The following PROP1 variants were observed in gnomAD, a reference collection of about 807,000 sequenced individuals.
PROP1 encodes the protein homeobox protein prophet of Pit-1.
PROP1 carries 12 observed loss-of-function variants against 22.3 expected under a neutral mutation model. The observed-to-expected ratio is 0.54, with a 90% CI of 0.34 to 0.87. PROP1 has a LOEUF of 0.87. Ranked by LOEUF, PROP1 falls within the 40% of genes least tolerant of loss-of-function variation. The probability of loss-of-function intolerance (pLI) is 0.01; values close to 1 mark genes in which losing one functional copy is unlikely to be tolerated. For synonymous variants in PROP1, 112 were observed against 116.7 expected, an observed-to-expected ratio of 0.96 and a Z score of 0.26; for missense variants, 278 against 295.1, an observed-to-expected ratio of 0.94 and a Z score of 0.43.
chr5:177,992,682 G>T lies in PROP1; in HGVS notation c.*27C>A, dbSNP rs939587302. ...CTTTTCACGAGGGCCGCAGGCTGGG[G>T]ATCACCTTGGTGGTACTTGTTTGAC... On this transcript the variant is annotated 3_prime_UTR_variant, in exon 3 of 3. Coordinates refer to ENST00000308304, the MANE Select transcript of PROP1 (RefSeq NM_006261.5). The T allele has an allele frequency of 3.4e-6, 5 of 1,485,466 alleles. No homozygotes were observed. Among genetic ancestry groups the T allele is most frequent in the Non-Finnish European group, 4.6e-6 (5 of 1,090,000 alleles). 92.0% of individuals were successfully genotyped at this position (1,485,466 alleles called of 1,614,324 possible). A position where few individuals can be genotyped will look rare whatever the true frequency, so the allele number is the denominator to read the frequency against.
In PROP1 at chr5:177,993,053, A is replaced by T. The variant is rs1354951089; in HGVS notation, c.343-6T>A. On this transcript the variant is annotated splice_polypyrimidine_tract_variant and splice_region_variant and intron_variant, in intron 2 of 2. Coordinates refer to ENST00000308304, the MANE Select transcript of PROP1 (RefSeq NM_006261.5). ...CTGCGGTTCTGGAACCAGACCTGAG[A>T]AGGGGTAGGAACCACATCAGAGCCC... is the stretch of plus-strand genomic sequence containing the variant. 1 of 1,610,836 alleles carries T rather than the reference A, an allele frequency of 6.2e-7. No individual in the cohort carries two copies. Among genetic ancestry groups the T allele is most frequent in the Admixed American group, 1.7e-5 (1 of 59,596 alleles).
At chr5:177,994,388 G>C in intron 1 of PROP1, 50 bp from the exon 2 acceptor site, 1 of 1,475,604 alleles carries the variant, frequency 6.8e-7, no homozygotes, top group South Asian at 1.3e-5. Context: ...ACGCTCCTCG[G>C]TGCTGGACCA....
In PROP1 at chr5:177,992,593, A is replaced by T; in HGVS notation, c.*116T>A. The stretch of plus-strand genomic sequence containing the variant: ...CCCATTTTTAAATTTCTAATCGCTG[A>T]GCTGACCCTCACCATGCATCTGCTT... On this transcript the variant is annotated 3_prime_UTR_variant, in exon 3 of 3. Coordinates refer to ENST00000308304, the MANE Select transcript of PROP1 (RefSeq NM_006261.5). The T allele has an allele frequency of 1.4e-6, 1 of 694,148 alleles. No individual in the cohort carries two copies. Among genetic ancestry groups the T allele is most frequent in the South Asian group, 1.8e-5 (1 of 55,196 alleles). The allele number at this position is 694,148 out of a possible 1,614,324, so 43.0% of individuals were successfully genotyped here. A position where few individuals can be genotyped will look rare whatever the true frequency, so the allele number is the denominator to read the frequency against.
rs1367651545 is a variant in PROP1, at chr5:177,992,947, G to A, written c.443C>T (p.Pro148Leu). Reference sequence around the variant, plus strand: ...AGAATAGGGGCAAGCAGTGGACTCTGGCAAGAAGCTGGAAAAGGCGGCAGG... The same window carrying A: ...AGAATAGGGGCAAGCAGTGGACTCTAGCAAGAAGCTGGAAAAGGCGGCAGG... The part of the protein sequence containing the change: ...LSPAAFSSFL[P>L]ESTACPYSYA... The change falls in exon 3 of 3, where the codon CCA becomes CTA. Residue 148 changes from proline (P) to leucine (L), a missense_variant. Coordinates refer to ENST00000308304, the MANE Select transcript of PROP1 (RefSeq NM_006261.5). 2 of 1,613,860 alleles carry A rather than the reference G, an allele frequency of 1.2e-6. No homozygotes were observed. The highest frequency in any genetic ancestry group is 1.7e-6 in the Non-Finnish European group (2 of 1,179,988).
At position 177,994,334 on chromosome 5, in the gene PROP1, C is replaced by T. The variant is rs373656666; in HGVS notation, c.114G>A (p.Ser38=). ...GGAGCCTTCTGCAGGGTGGAGCACTCGAGTCTGAGAACGGAGAGAAGGGAG... is the reference window on the plus strand; with the variant it reads ...GGAGCCTTCTGCAGGGTGGAGCACTTGAGTCTGAGAACGGAGAGAAGGGAG... The part of the protein sequence containing the change: ...ATGTPTTTVD[S]SAPPCRRLPG... The change falls in exon 2 of 3, where the codon TCG becomes TCA. Residue 38 remains serine (S), a synonymous_variant. Coordinates refer to ENST00000308304, the MANE Select transcript of PROP1 (RefSeq NM_006261.5). The T allele has an allele frequency of 2.3e-5, 36 of 1,593,168 alleles. No individual in the cohort carries two copies. The highest frequency in any genetic ancestry group is 1.7e-4 in the Middle Eastern group (1 of 6,014).
In PROP1 at chr5:177,992,982, G is replaced by A; in HGVS notation, c.408C>T (p.Ala136=). 6.2e-7 allele frequency: 1 copy of A among 1,614,030 alleles called. No individual in the cohort carries two copies. Among genetic ancestry groups the A allele is most frequent in the Non-Finnish European group, 8.5e-7 (1 of 1,179,988 alleles). ...TGGAAAAGGCGGCAGGAGACAGATG[G>A]GCCAGAGGCTGAAGCAGTGAGCGCT... ...KQERSLLQPL[A]HLSPAAFSSF... The change falls in exon 3 of 3, where the codon GCC becomes GCT. Residue 136 remains alanine, a synonymous_variant. Transcript: ENST00000308304.
Position 177,995,991 on chromosome 5 carries a change from G to T in PROP1, c.-58C>A, listed in dbSNP as rs1335549674. Reference sequence around the variant, plus strand: ...TCTGACTTGAGATTTCTCTGCTTCCGCAGCTCCTCTCCACACCTGTTCCCT... The same window carrying T: ...TCTGACTTGAGATTTCTCTGCTTCCTCAGCTCCTCTCCACACCTGTTCCCT... On this transcript the variant is annotated 5_prime_UTR_variant, in exon 1 of 3. Transcript: ENST00000308304. 6 of 1,467,250 alleles carry T rather than the reference G, an allele frequency of 4.1e-6. No homozygotes were observed. The highest frequency in any genetic ancestry group is 3.4e-5 in the Admixed American group (2 of 59,276). 90.9% of individuals were successfully genotyped at this position (1,467,250 alleles called of 1,614,324 possible).
In PROP1 at chr5:177,994,099, G is replaced by T. The variant is rs369161431; in HGVS notation, c.342+7C>A. 3 of 1,613,162 alleles carry T rather than the reference G, an allele frequency of 1.9e-6. No homozygotes were observed. Among genetic ancestry groups the T allele is most frequent in the Non-Finnish European group, 1.7e-6 (2 of 1,179,138 alleles). ...TTTCCTGAGAGAGGAGGATCCTGGA[G>T]CATCACCTGGATTCGGGCCTCACTG... On this transcript the variant is annotated splice_region_variant and intron_variant, in intron 2 of 2. Transcript: ENST00000308304.
Position 177,993,041 on chromosome 5 carries a change from A to G in PROP1, c.349T>C (p.Phe117Leu), listed in dbSNP as rs121917840. Residue 117 changes from phenylalanine to leucine, a missense_variant, in exon 3 of 3, where the codon TTC becomes CTC. Phe to Leu is a conservative substitution (Grantham distance 22, BLOSUM62 0). Coordinates refer to ENST00000308304, the MANE Select transcript of PROP1 (RefSeq NM_006261.5). Reference sequence around the variant, plus strand: ...CGTTGCTTAGCTCTGCGGTTCTGGAACCAGACCTGAGAAGGGGTAGGAACC... The same window carrying G: ...CGTTGCTTAGCTCTGCGGTTCTGGAGCCAGACCTGAGAAGGGGTAGGAACC... ...GLSEARIQVW[F>L]QNRRAKQRKQ... 2 of 1,612,936 alleles carry G rather than the reference A, an allele frequency of 1.2e-6. No individual in the cohort carries two copies. Among genetic ancestry groups the G allele is most frequent in the Admixed American group, 3.3e-5 (2 of 59,862 alleles).
At chr5:177,993,218 C>G (rs150314654) in intron 2 of PROP1, among the ~76,000 whole-genome samples, 171 bp from the exon 3 acceptor site, 89 of 152,288 alleles carry the variant, frequency 5.8e-4, no homozygotes, top group African/African-American at 2.0e-3. Context: ...AAGGAACCCA[C>G]AGACTTGTCC....
chr5:177,992,926 TA>T lies in PROP1; in HGVS notation c.463del (p.Tyr155IlefsTer10). The T allele has an allele frequency of 6.2e-7, 1 of 1,613,510 alleles. No individual in the cohort carries two copies. The highest frequency in any genetic ancestry group is 8.5e-7 in the Non-Finnish European group (1 of 1,179,860). On this transcript the variant is annotated frameshift_variant, in exon 3 of 3. Transcript: ENST00000308304. LOFTEE classifies it high-confidence loss of function. ...SFLPESTACP[Y>X]SYAAPPPPVT... ...TGGTGGTGGTGGTGCTGCGTAAGAA[TA>T]GGGGCAAGCAGTGGACTCTGGCAAG...
Position 177,994,194 on chromosome 5 carries a change from T to G in PROP1, c.254A>C (p.Glu85Ala). Reference protein sequence around the residue: ...TFSPVQLEQLESAFGRNQYPD... With the variant: ...TFSPVQLEQLASAFGRNQYPD... ...GTACTGGTTCCTCCCAAAGGCTGACTCCAGCTGTTCCAACTGCACTGGGCT... is the reference window on the plus strand; with the variant it reads ...GTACTGGTTCCTCCCAAAGGCTGACGCCAGCTGTTCCAACTGCACTGGGCT... Residue 85 changes from glutamate (E) to alanine (A), a missense_variant, in exon 2 of 3, where the codon GAG becomes GCG. Coordinates refer to ENST00000308304, the MANE Select transcript of PROP1 (RefSeq NM_006261.5). The G allele has an allele frequency of 6.2e-7, 1 of 1,614,122 alleles. No individual in the cohort carries two copies. The highest frequency in any genetic ancestry group is 1.6e-4 in the Middle Eastern group (1 of 6,062).
rs760398310 is a variant in PROP1, at chr5:177,995,981, C to G, written c.-48G>C. ...TCCCTGAATCTCTGACTTGAGATTT[C>G]TCTGCTTCCGCAGCTCCTCTCCACA... On this transcript the variant is annotated 5_prime_UTR_variant, in exon 1 of 3. Coordinates refer to ENST00000308304, the MANE Select transcript of PROP1 (RefSeq NM_006261.5). 5.9e-6 allele frequency: 9 copies of G among 1,528,344 alleles called. No homozygotes were observed. Among genetic ancestry groups the G allele is most frequent in the Non-Finnish European group, 7.2e-6 (8 of 1,106,646 alleles). 94.7% of individuals were successfully genotyped at this position (1,528,344 alleles called of 1,614,324 possible). A position where few individuals can be genotyped will look rare whatever the true frequency, so the allele number is the denominator to read the frequency against.
At position 177,992,905 on chromosome 5, in the gene PROP1, G is replaced by T. The variant is rs754505852; in HGVS notation, c.485C>A (p.Pro162Gln). 1 of 1,613,878 alleles carries T rather than the reference G, an allele frequency of 6.2e-7. No individual in the cohort carries two copies. Among genetic ancestry groups the T allele is most frequent in the South Asian group, 1.1e-5 (1 of 91,044 alleles). Residue 162 changes from proline to glutamine, a missense_variant, in exon 3 of 3, where the codon CCA (proline) becomes CAA (glutamine). Physicochemically the swap from Pro to Gln is moderately conservative, Grantham distance 76 (BLOSUM62 -1). Coordinates refer to ENST00000308304, the MANE Select transcript of PROP1 (RefSeq NM_006261.5). ...GGGGTGAGGGAAGCAGGTCACTGGT[G>T]GTGGTGGTGCTGCGTAAGAATAGGG... ...ACPYSYAAPP[P>Q]PVTCFPHPYS...
At chr5:177,995,141 C>T (rs533412018) in intron 1 of PROP1, among the ~76,000 whole-genome samples, 7 of 152,152 alleles carry the variant, frequency 4.6e-5, no homozygotes, top group Non-Finnish European at 1.0e-4. Flanking sequence ...CACCCCTCAC[C>T]TGGGAAGATG....
rs1755762913 is a variant in PROP1, at chr5:177,996,011, T to G, written c.-78A>C. The G allele has an allele frequency of 1.7e-6, 2 of 1,209,026 alleles. No individual in the cohort carries two copies. The highest frequency in any genetic ancestry group is 2.4e-6 in the Non-Finnish European group (2 of 827,086). The allele number at this position is 1,209,026 out of a possible 1,614,324, so 74.9% of individuals were successfully genotyped here. On this transcript the variant is annotated 5_prime_UTR_variant, in exon 1 of 3. Transcript: ENST00000308304. ...CTTCCGCAGCTCCTCTCCACACCTG[T>G]TCCCTCCCCTTCTCCCTCTGTGTAT... is the stretch of plus-strand genomic sequence containing the variant.
chr5:177,994,042 TTCTATGATAGCACCAAAG>T, intron 2 of PROP1, 46 bp downstream of exon 2: 1 of 1,570,906 alleles, frequency 6.4e-7, no homozygotes, highest in African/African-American at 1.4e-5. Flanking sequence ...ATGCCCAACA[TTCTATGATAGCACCAAAG>T]AAATCTGCAT....
At position 177,992,498 on chromosome 5, in the gene PROP1, T is replaced by A; in HGVS notation, c.*211A>T. Reference sequence around the variant, plus strand: ...GCAGCTCCACCGAGGCATCTTGCCCTGTCTCTTCCAGTAGCTCACCTCCCC... The same window carrying A: ...GCAGCTCCACCGAGGCATCTTGCCCAGTCTCTTCCAGTAGCTCACCTCCCC... On this transcript the variant is annotated 3_prime_UTR_variant, in exon 3 of 3. Transcript: ENST00000308304. 1.7e-6 allele frequency: 1 copy of A among 574,196 alleles called. No homozygotes were observed. The highest frequency in any genetic ancestry group is 3.1e-6 in the Non-Finnish European group (1 of 323,596). 35.6% of individuals were successfully genotyped at this position (574,196 alleles called of 1,614,324 possible).
In PROP1 at chr5:177,992,919, G is replaced by A. The variant is rs145883811; in HGVS notation, c.471C>T (p.Tyr157=). The A allele has an allele frequency of 1.3e-3, 2,123 of 1,613,826 alleles. 6 individuals carry two copies. Among genetic ancestry groups the A allele is most frequent in the Non-Finnish European group, 1.4e-3 (1,709 of 1,179,940 alleles). The change falls in exon 3 of 3, where the codon TAC becomes TAT. Residue 157 remains tyrosine (Y), a synonymous_variant. Coordinates refer to ENST00000308304, the MANE Select transcript of PROP1 (RefSeq NM_006261.5). ...LPESTACPYS[Y]AAPPPPVTCF... ...AGGTCACTGGTGGTGGTGGTGCTGC[G>A]TAAGAATAGGGGCAAGCAGTGGACT...
Sources: gnomAD v4.1 joint callset for allele counts (sites outside exome capture counted in the v4.1 genomes callset) on GRCh38, gnomAD v4.1.1 for gene constraint, MANE v1.5 for transcripts, NCBI Gene and HGNC (gene_info 2026-07-23, HGNC 2026-07-21) for gene names.